The following PLCB1 variants were observed in gnomAD, a reference collection of about 807,000 sequenced individuals.
PLCB1 encodes 1-phosphatidylinositol 4,5-bisphosphate phosphodiesterase beta-1.
In PLCB1, 46 loss-of-function variants were observed where a neutral mutation model predicts 161.8. The ratio of observed to expected loss-of-function variants is 0.28; its 90% CI spans 0.22 to 0.36. The LOEUF is 0.36. PLCB1 is among the 10% of genes least tolerant of loss of function. The pLI is 1.00. For missense variants in PLCB1, 1,016 were observed against 1,472.5 expected (o/e 0.69, Z 5.07); for synonymous variants, 517 against 503.7 (o/e 1.03, Z -0.35).
chr20:8,417,046 C>CAT (rs1568667895), intron 3 of PLCB1, among the ~76,000 whole-genome samples: 4 of 55,208 alleles, frequency 7.2e-5, no homozygotes, highest in African/African-American at 2.8e-4. Flanking sequence ...CACACACACA[C>CAT]ACACACACAT....
At chr20:8,684,325 C>G (rs1306613289) in intron 9 of PLCB1, among the ~76,000 whole-genome samples, 1 of 151,814 alleles carries the variant, frequency 6.6e-6, no homozygotes, top group Admixed American at 6.6e-5. Context: ...GGCGCCATCT[C>G]GGCTCAATGC....
intron 2 of PLCB1, among the ~76,000 whole-genome samples, chr20:8,340,713 CGCG>C (rs1985776819): frequency 1.3e-5 from 2 of 152,136 alleles, no homozygotes; most frequent in Non-Finnish European, 2.9e-5. Flanking sequence ...CGTGAGCCAC[CGCG>C]CCCGGCCAAA....
intron 2 of PLCB1, among the ~76,000 whole-genome samples, chr20:8,335,064 A>G (rs1985522485): frequency 6.6e-6 from 1 of 152,194 alleles, no homozygotes; most frequent in Non-Finnish European, 1.5e-5. Flanking sequence ...TTGAACTACA[A>G]ATGTCTTTTC....
At chr20:8,319,190 A>T (rs775417463) in intron 2 of PLCB1, among the ~76,000 whole-genome samples, 2 of 152,172 alleles carry the variant, frequency 1.3e-5, no homozygotes, top group Non-Finnish European at 2.9e-5. Context: ...TGCATCAGTT[A>T]TTTACTGCCA....
chr20:8,510,967 C>A (rs1057111082), intron 3 of PLCB1, among the ~76,000 whole-genome samples: 1 of 152,110 alleles, frequency 6.6e-6, no homozygotes, highest in African/African-American at 2.4e-5. Flanking sequence ...ATATCCATCA[C>A]CTCACACACT....
intron 3 of PLCB1, among the ~76,000 whole-genome samples, chr20:8,477,028 G>A (rs1982308809): frequency 6.6e-6 from 1 of 152,116 alleles, no homozygotes; most frequent in East Asian, 1.9e-4. Context: ...AAATCAGGCT[G>A]TACTTGAGGA....
intron 3 of PLCB1, among the ~76,000 whole-genome samples, chr20:8,432,613 C>A (rs1980099954): frequency 6.6e-6 from 1 of 152,202 alleles, no homozygotes; most frequent in Admixed American, 6.5e-5. Context: ...TGATTATGTG[C>A]TGTGGTCTGA....
At chr20:8,774,013 G>T (rs1312711717) in intron 26 of PLCB1, among the ~76,000 whole-genome samples, 1 of 148,598 alleles carries the variant, frequency 6.7e-6, no homozygotes, top group Non-Finnish European at 1.5e-5. Flanking sequence ...GAACTCAGAT[G>T]TCAGCCAGGA....
chr20:8,450,916 T>C (rs2122645855), intron 3 of PLCB1, among the ~76,000 whole-genome samples: 1 of 152,330 alleles, frequency 6.6e-6, no homozygotes, highest in South Asian at 2.1e-4. Flanking sequence ...CAATTTACTG[T>C]TAAGTTGTAA....
intron 2 of PLCB1, among the ~76,000 whole-genome samples, chr20:8,229,289 T>C (rs1979876767): frequency 6.6e-6 from 1 of 152,048 alleles, no homozygotes; most frequent in African/African-American, 2.4e-5. Flanking sequence ...AAAACATTAT[T>C]TTAAAAATTT....
At chr20:8,842,701 G>A (rs1422131738) in intron 31 of PLCB1, among the ~76,000 whole-genome samples, 1 of 152,174 alleles carries the variant, frequency 6.6e-6, no homozygotes, top group African/African-American at 2.4e-5. Flanking sequence ...GGTCATGATT[G>A]ATTGAGCAAG....
At chr20:8,276,016 T>C (rs1377535181) in intron 2 of PLCB1, among the ~76,000 whole-genome samples, 1 of 152,198 alleles carries the variant, frequency 6.6e-6, no homozygotes, top group Non-Finnish European at 1.5e-5. Context: ...CTTGATTTAT[T>C]TTTTCTTGCT....
chr20:8,352,628 A>G lies in PLCB1; in HGVS notation c.178-18754A>G, dbSNP rs192944945. Among the ~76,000 whole-genome samples the G allele has an allele frequency of 5.3e-4, 80 of 152,274 alleles. 1 individual carries two copies. The East Asian group carries it at 0.013, about 24-fold the overall frequency. ...TATTATAAATATAGACAACAACCTT[A>G]CTGAAGGCAATAAGGGAGGAAGTTG... On this transcript the variant is annotated intron_variant, in intron 2 of 31. Transcript: ENST00000338037.
chr20:8,701,080 A>T (rs1238254498), intron 11 of PLCB1, among the ~76,000 whole-genome samples: 1 of 152,206 alleles, frequency 6.6e-6, no homozygotes, highest in Non-Finnish European at 1.5e-5. Context: ...TAAATTTTGC[A>T]CATAGTCGCC....
At position 8,252,154 on chromosome 20, in the gene PLCB1, G is replaced by T. The variant is rs973256577; in HGVS notation, c.177+101783G>T. Among the ~76,000 whole-genome samples the T allele has an allele frequency of 2.6e-5, 4 of 151,770 alleles. No homozygotes were observed. In the East Asian group the frequency reaches 7.8e-4, roughly 29 times the overall value. ...AGGAAAGAAAAGCAGAGGAGGGGAG[G>T]ATACACAACTTGGCAATGTCGAGAT... On this transcript the variant is annotated intron_variant, in intron 2 of 31. Coordinates refer to ENST00000338037, the MANE Select transcript of PLCB1 (RefSeq NM_015192.4).
chr20:8,802,340 C>G, intron 31 of PLCB1: 1 of 535,404 alleles, frequency 1.9e-6, no homozygotes, highest in Non-Finnish European at 3.3e-6. Flanking sequence ...TTTCCTCATC[C>G]TTTCTGCCTT....
At chr20:8,700,444 G>T (rs1990674891) in intron 11 of PLCB1, among the ~76,000 whole-genome samples, 1 of 152,208 alleles carries the variant, frequency 6.6e-6, no homozygotes, top group Non-Finnish European at 1.5e-5. Context: ...CTCTCCTTGT[G>T]CACTCGATCA....
chr20:8,832,271 A>G (rs1246695910), intron 31 of PLCB1, among the ~76,000 whole-genome samples: 1 of 152,214 alleles, frequency 6.6e-6, no homozygotes, highest in African/African-American at 2.4e-5. Flanking sequence ...TTAAAATTTA[A>G]ATAGAATAGT....
At chr20:8,467,573 G>T (rs1255727457) in intron 3 of PLCB1, among the ~76,000 whole-genome samples, 3 of 152,040 alleles carry the variant, frequency 2.0e-5, no homozygotes, top group Non-Finnish European at 4.4e-5. Flanking sequence ...TATAATAAAG[G>T]CCTCTATGAA....
Sources: allele counts gnomAD v4.1 joint callset (sites outside exome capture counted in the v4.1 genomes callset), GRCh38; gene constraint gnomAD v4.1.1; transcripts MANE v1.5; gene names NCBI Gene and HGNC (gene_info 2026-07-23, HGNC 2026-07-21).